SLC49A4: variants seen among roughly 807,000 people sequenced by gnomAD.
The protein encoded by SLC49A4 is solute carrier family 49 member 4, also known as disrupted in renal cancer protein 2.
In SLC49A4, 36 loss-of-function variants were observed where a neutral mutation model predicts 50.6. The observed-to-expected ratio is 0.71, with a 90% CI of 0.55 to 0.94. The LOEUF (loss-of-function observed/expected upper bound fraction) is 0.94. SLC49A4 is among the 40% of genes least tolerant of loss of function. SLC49A4 has a pLI of 0.00. For synonymous variants in SLC49A4, 248 were observed against 241.2 expected (o/e 1.03, Z -0.26); for missense variants, 503 against 605.7 (o/e 0.83, Z 1.78).
At chr3:122,849,682 T>C (rs531194759) in intron 5 of SLC49A4, among the ~76,000 whole-genome samples, 1 of 152,288 alleles carries the variant, frequency 6.6e-6, no homozygotes, top group South Asian at 2.1e-4. Flanking sequence ...TTGGTTTTTT[T>C]TTGCTGTTGA....
At chr3:122,876,177 T>C (rs187234751) in intron 8 of SLC49A4, among the ~76,000 whole-genome samples, 1 of 152,364 alleles carries the variant, frequency 6.6e-6, no homozygotes, top group African/African-American at 2.4e-5. Flanking sequence ...TCTAATGATG[T>C]CACATAGAAA....
chr3:122,811,150 A>G (rs1936292300), intron 2 of SLC49A4, among the ~76,000 whole-genome samples: 1 of 152,236 alleles, frequency 6.6e-6, no homozygotes, highest in Non-Finnish European at 1.5e-5. Context: ...TTAACTGGGA[A>G]ATATTTGCAA....
At chr3:122,815,289 A>G (rs569172845) in intron 2 of SLC49A4, among the ~76,000 whole-genome samples, 5 of 151,922 alleles carry the variant, frequency 3.3e-5, no homozygotes, top group Non-Finnish European at 7.4e-5. Flanking sequence ...GAGGTTATTT[A>G]TGTTGGCCAG....
chr3:122,878,634 C>T (rs1271620649), intron 8 of SLC49A4, among the ~76,000 whole-genome samples: 1 of 152,148 alleles, frequency 6.6e-6, no homozygotes, highest in Non-Finnish European at 1.5e-5. Flanking sequence ...CAATAATTGG[C>T]ATCATATATA....
intron 4 of SLC49A4, among the ~76,000 whole-genome samples, chr3:122,837,276 A>G (rs553361745): frequency 6.6e-6 from 1 of 152,328 alleles, no homozygotes; most frequent in East Asian, 1.9e-4. Context: ...CCAAAAGAAC[A>G]AAGCTGGAGG....
At chr3:122,876,692 T>C (rs1290970224) in intron 8 of SLC49A4, among the ~76,000 whole-genome samples, 2 of 152,188 alleles carry the variant, frequency 1.3e-5, no homozygotes, top group South Asian at 2.1e-4. Context: ...CAAGTACTTA[T>C]AAGTGGTAGA....
chr3:122,799,371 T>C (rs1348813957), intron 1 of SLC49A4, among the ~76,000 whole-genome samples: 1 of 152,146 alleles, frequency 6.6e-6, no homozygotes, highest in Non-Finnish European at 1.5e-5. Flanking sequence ...ACACCTGACA[T>C]GTTAGTTCTG....
intron 2 of SLC49A4, among the ~76,000 whole-genome samples, chr3:122,824,730 CTTTTTTTTTT>C (rs71621693): frequency 3.6e-5 from 3 of 82,914 alleles, no homozygotes; most frequent in East Asian, 3.5e-4. Flanking sequence ...TTTTTTCCTT[CTTTTTTTTTT>C]TTTTTTTTTT....
chr3:122,843,114 G>C (rs999472543), intron 4 of SLC49A4, among the ~76,000 whole-genome samples: 1 of 152,112 alleles, frequency 6.6e-6, no homozygotes, highest in East Asian at 1.9e-4. Flanking sequence ...TGCTTTTGCA[G>C]TATGTGTACT....
chr3:122,852,269 G>A lies in SLC49A4; in HGVS notation c.943-4038G>A, dbSNP rs1051607405. 6.6e-5 allele frequency among the ~76,000 whole-genome samples: 10 copies of A among 152,216 alleles called. No homozygotes were observed. In the East Asian group the frequency reaches 7.7e-4, roughly 12 times the overall value. On this transcript the variant is annotated intron_variant, in intron 5 of 8. Transcript: ENST00000261038. ...GGCTTCCCAAAGTGCTGGGATTAAC[G>A]GCATGAGCCACCACACCTGGCCTGT...
intron 7 of SLC49A4, among the ~76,000 whole-genome samples, chr3:122,868,509 G>A (rs1459388840): frequency 6.6e-6 from 1 of 152,190 alleles, no homozygotes; most frequent in African/African-American, 2.4e-5. Flanking sequence ...TTGTCTGCCT[G>A]ACTTTTAATA....
intron 2 of SLC49A4, among the ~76,000 whole-genome samples, chr3:122,808,559 G>T (rs549826077): frequency 7.2e-5 from 11 of 152,162 alleles, no homozygotes; most frequent in Non-Finnish European, 1.6e-4. Flanking sequence ...AGCAAATGAG[G>T]TCAGAGCGGT....
chr3:122,879,078 T>C (rs754822056), intron 8 of SLC49A4, among the ~76,000 whole-genome samples, 185 bp from the exon 9 acceptor site: 3 of 152,210 alleles, frequency 2.0e-5, no homozygotes, highest in Admixed American at 6.5e-5. Context: ...GGAAGCCCCG[T>C]CATATATTAC....
intron 4 of SLC49A4, among the ~76,000 whole-genome samples, chr3:122,835,772 GAAAT>G (rs942877984): frequency 1.3e-5 from 2 of 152,148 alleles, no homozygotes; most frequent in Non-Finnish European, 2.9e-5. Context: ...GCAACTGAAA[GAAAT>G]AAAGGGCATC....
At chr3:122,872,970 C>T (rs988190658) in intron 8 of SLC49A4, among the ~76,000 whole-genome samples, 5 of 151,958 alleles carry the variant, frequency 3.3e-5, no homozygotes, top group South Asian at 2.1e-4. Context: ...AAAACTACTT[C>T]GAATCTCTCT....
chr3:122,845,945 T>C, intron 5 of SLC49A4, 74 bp downstream of exon 5: 1 of 1,097,216 alleles, frequency 9.1e-7, no homozygotes, highest in Non-Finnish European at 1.3e-6. Flanking sequence ...TACGTGTTCT[T>C]GGTTTTAGCT....
chr3:122,851,993 CTTTTT>C (rs368287566), intron 5 of SLC49A4, among the ~76,000 whole-genome samples: 1 of 128,028 alleles, frequency 7.8e-6, no homozygotes, highest in Non-Finnish European at 1.7e-5. Flanking sequence ...ATCTTTGATT[CTTTTT>C]TTTTTTTTTT....
chr3:122,870,832 A>G (rs1231552506), intron 7 of SLC49A4, among the ~76,000 whole-genome samples: 4 of 131,562 alleles, frequency 3.0e-5, no homozygotes, highest in Non-Finnish European at 6.4e-5. Flanking sequence ...TAATAATAAT[A>G]ATAATAATAA....
In SLC49A4 at chr3:122,860,128, C is replaced by T. The variant is rs763882530; in HGVS notation, c.1064C>T (p.Ser355Leu). 170 of 1,613,094 alleles carry T rather than the reference C, an allele frequency of 1.1e-4. 1 individual carries two copies. The highest frequency in any genetic ancestry group is 8.0e-4 in the Admixed American group (48 of 59,882). Residue 355 changes from serine (S) to leucine (L), a missense_variant, in exon 7 of 9, where the codon TCG (serine) becomes TTG (leucine). Ser to Leu is a moderately radical substitution (Grantham distance 145). Transcript: ENST00000261038. ...MLKLILLLLFSGATLSSTWFT... is the reference protein window; with the variant it reads ...MLKLILLLLFLGATLSSTWFT... ...AAACTAATTCTTCTCCTCCTGTTTT[C>T]GGGAGCTACACTGTCATCCACGTGG...
Sources: gnomAD v4.1 joint callset for allele counts (sites outside exome capture counted in the v4.1 genomes callset) on GRCh38, gnomAD v4.1.1 for gene constraint, MANE v1.5 for transcripts, NCBI Gene and HGNC (gene_info 2026-07-23, HGNC 2026-07-21) for gene names.